Variants in GPR158 observed in about 807,000 individuals in gnomAD.
The protein encoded by GPR158 is G protein-coupled receptor 158.
In GPR158, 30 loss-of-function variants were observed where a neutral mutation model predicts 78.2. The observed-to-expected ratio is 0.38, with a 90% CI of 0.29 to 0.52. The LOEUF (loss-of-function observed/expected upper bound fraction) is 0.52. GPR158 is among the 20% of genes least tolerant of loss of function. The pLI is 0.83. For missense variants in GPR158, 1,463 were observed against 1,523.5 expected (o/e 0.96, Z 0.66); for synonymous variants, 581 against 591.1 (o/e 0.98, Z 0.25).
chr10:25,212,183 T>C (rs929127863), intron 1 of GPR158, among the ~76,000 whole-genome samples: 3 of 152,190 alleles, frequency 2.0e-5, no homozygotes, highest in Non-Finnish European at 4.4e-5. Flanking sequence ...GACTGGGTAA[T>C]TTATAACGAA....
At chr10:25,273,827 G>A (rs953975584) in intron 2 of GPR158, among the ~76,000 whole-genome samples, 3 of 151,748 alleles carry the variant, frequency 2.0e-5, no homozygotes, top group African/African-American at 7.3e-5. Context: ...CTATAGATGC[G>A]CGCCACCACA....
chr10:25,328,337 T>C (rs975731356), intron 2 of GPR158, among the ~76,000 whole-genome samples: 1 of 152,160 alleles, frequency 6.6e-6, no homozygotes, highest in Non-Finnish European at 1.5e-5. Context: ...CTTTATTTAG[T>C]ATCTAAAAAC....
At chr10:25,516,805 G>A in intron 5 of GPR158, among the ~76,000 whole-genome samples, 2 of 112,644 alleles carry the variant, frequency 1.8e-5, no homozygotes, top group African/African-American at 8.1e-5. Context: ...CAGGTAGTGT[G>A]ATGCCTCCAG....
chr10:25,275,616 T>C (rs1298054785), intron 2 of GPR158, among the ~76,000 whole-genome samples: 1 of 152,208 alleles, frequency 6.6e-6, no homozygotes, highest in African/African-American at 2.4e-5. Context: ...CTCTTCCTTA[T>C]TCATCTTTTA....
chr10:25,409,010 A>T (rs373967929), intron 3 of GPR158, among the ~76,000 whole-genome samples: 1 of 152,172 alleles, frequency 6.6e-6, no homozygotes. Flanking sequence ...AAGGTTGACA[A>T]TGGAGACACG....
intron 4 of GPR158, among the ~76,000 whole-genome samples, chr10:25,460,816 G>A (rs1835349749): frequency 6.6e-6 from 1 of 152,130 alleles, no homozygotes; most frequent in Admixed American, 6.5e-5. Context: ...ACTCTACATT[G>A]AGAAAATCTA....
intron 1 of GPR158, among the ~76,000 whole-genome samples, chr10:25,179,948 A>G (rs1004769704): frequency 9.2e-5 from 14 of 152,196 alleles, no homozygotes; most frequent in African/African-American, 3.1e-4. Context: ...GACTTAAAGT[A>G]CTATGGAGTT....
intron 1 of GPR158, among the ~76,000 whole-genome samples, chr10:25,208,643 G>A (rs1004207317): frequency 2.9e-4 from 44 of 150,938 alleles, no homozygotes; most frequent in Non-Finnish European, 4.3e-4. Context: ...GAGAAGCACT[G>A]GAACTGTGTC....
chr10:25,564,224 C>T lies in GPR158; in HGVS notation c.1515-8425C>T, dbSNP rs573935893. Among the ~76,000 whole-genome samples the T allele has an allele frequency of 2.4e-4, 37 of 152,300 alleles. No individual in the cohort carries two copies. The South Asian group carries it at 7.3e-3, about 30-fold the overall frequency. ...GTTTGTGTGTTGGGTATGTCATCAA[C>T]ACACATGAGCCTCTATTTCCTGCAT... On this transcript the variant is annotated intron_variant, in intron 6 of 10. Transcript: ENST00000376351.
rs768387048 is a variant in GPR158, at chr10:25,175,771, C to T, written c.351C>T (p.Ser117=). The part of the protein sequence containing the change: ...GLPGKWPALA[S]AHPSLHRALD... ...CGGGGAAGTGGCCAGCCCTGGCCAG[C>T]GCGCACCCCTCCTTGCACCGGGCGC... Residue 117 remains serine, a synonymous_variant, in exon 1 of 11, where the codon AGC becomes AGT. Transcript: ENST00000376351. The surrounding 1 kb of genome is among the most constrained non-coding windows in gnomAD (Gnocchi z 6.4). 5.6e-6 allele frequency: 9 copies of T among 1,611,144 alleles called. No homozygotes were observed. The East Asian group carries it at 1.8e-4, about 32-fold the overall frequency.
intron 1 of GPR158, among the ~76,000 whole-genome samples, chr10:25,204,900 T>A (rs2130660436): frequency 1.4e-5 from 2 of 147,152 alleles, no homozygotes; most frequent in South Asian, 4.4e-4. Flanking sequence ...CAACCAAATC[T>A]CATCTTGAAT....
Position 25,349,720 on chromosome 10 carries a change from C to T in GPR158, c.1009-46191C>T, listed in dbSNP as rs548543670. On this transcript the variant is annotated intron_variant, in intron 2 of 10. Transcript: ENST00000376351. ...TTAAACCTCCTTTCTTCATATATTA[C>T]GCAATTTCAGGTAGTTCTTAAGAGC... is the stretch of plus-strand genomic sequence containing the variant. Among the ~76,000 whole-genome samples the T allele has an allele frequency of 1.2e-4, 18 of 146,602 alleles. 2 individuals carry two copies. The highest frequency in any genetic ancestry group is 6.3e-4 in the South Asian group (3 of 4,800).
intron 5 of GPR158, among the ~76,000 whole-genome samples, chr10:25,471,907 T>C (rs1324642727): frequency 6.6e-6 from 1 of 152,228 alleles, no homozygotes; most frequent in Non-Finnish European, 1.5e-5. Context: ...TCCCATTTTG[T>C]AGGTTGCCTG....
intron 6 of GPR158, among the ~76,000 whole-genome samples, chr10:25,558,565 G>A (rs1006561486): frequency 6.6e-6 from 1 of 152,130 alleles, no homozygotes; most frequent in Non-Finnish European, 1.5e-5. Context: ...CCCAGAGTCA[G>A]GGTCTTGGCT....
chr10:25,453,012 G>C (rs1360382302), intron 4 of GPR158, among the ~76,000 whole-genome samples: 20 of 152,108 alleles, frequency 1.3e-4, no homozygotes, highest in Admixed American at 9.8e-4. Flanking sequence ...ATTTCACTTA[G>C]CATGTCCTCC....
intron 2 of GPR158, among the ~76,000 whole-genome samples, chr10:25,242,660 G>T (rs969868444): frequency 6.6e-6 from 1 of 152,060 alleles, no homozygotes; most frequent in Non-Finnish European, 1.5e-5. Flanking sequence ...TGTTTAGACT[G>T]GATTTTCCTT....
At chr10:25,177,332 G>A (rs1286069591) in intron 1 of GPR158, among the ~76,000 whole-genome samples, 1 of 152,194 alleles carries the variant, frequency 6.6e-6, no homozygotes, top group Non-Finnish European at 1.5e-5. Flanking sequence ...ACCAAAGAGG[G>A]CTTAGGAGAG....
intron 5 of GPR158, among the ~76,000 whole-genome samples, chr10:25,498,284 GT>G (rs1393142500): frequency 6.6e-6 from 1 of 152,166 alleles, no homozygotes; most frequent in Non-Finnish European, 1.5e-5. Flanking sequence ...TTGCCTATGT[GT>G]GTGCGTGTTG....
intron 2 of GPR158, among the ~76,000 whole-genome samples, chr10:25,347,879 C>T (rs1855394976): frequency 6.6e-6 from 1 of 151,976 alleles, no homozygotes; most frequent in Non-Finnish European, 1.5e-5. Flanking sequence ...TGTTAGAGAT[C>T]ATGCCAGTGT....
Sources: allele counts gnomAD v4.1 joint callset (sites outside exome capture counted in the v4.1 genomes callset), GRCh38; gene constraint gnomAD v4.1.1; non-coding constraint Gnocchi (gnomAD v3.1); transcripts MANE v1.5; gene names NCBI Gene and HGNC (gene_info 2026-07-23, HGNC 2026-07-21).